Variants in ENPEP observed in about 807,000 individuals in gnomAD.
ENPEP encodes the protein AP-A.
In ENPEP, 103 loss-of-function variants were observed where a neutral mutation model predicts 114.5. The ratio of observed to expected loss-of-function variants is 0.90; its 90% CI spans 0.77 to 1.06. The LOEUF (loss-of-function observed/expected upper bound fraction) is 1.06, where lower values mean the gene tolerates loss of function less well. Ranked by LOEUF, ENPEP falls within the 50% of genes least tolerant of loss-of-function variation. The pLI, the probability that ENPEP is intolerant of heterozygous loss-of-function variation, is 0.00. For missense variants in ENPEP, 1,196 were observed against 1,161.3 expected, an observed-to-expected ratio of 1.03 and a Z score of -0.43; for synonymous variants, 420 against 422.0, an observed-to-expected ratio of 1.00 and a Z score of 0.06.
chr4:110,481,865 T>C (rs1017415724), intron 1 of ENPEP, among the ~76,000 whole-genome samples: 2 of 152,094 alleles, frequency 1.3e-5, no homozygotes, highest in East Asian at 1.9e-4. Context: ...GTAGCGCTAG[T>C]AGGATTTAAG....
At chr4:110,477,718 G>T (rs933625900) in intron 1 of ENPEP, among the ~76,000 whole-genome samples, 2 of 152,148 alleles carry the variant, frequency 1.3e-5, no homozygotes, top group African/African-American at 4.8e-5. Context: ...GGTAAATTTG[G>T]AGGCTTGTTG....
chr4:110,493,515 C>T (rs1395161934), intron 3 of ENPEP, among the ~76,000 whole-genome samples: 3 of 152,156 alleles, frequency 2.0e-5, no homozygotes. Context: ...TGAGATATGC[C>T]ACTTTCCCCT....
intron 10 of ENPEP, among the ~76,000 whole-genome samples, chr4:110,522,547 G>A (rs1046713776): frequency 6.6e-6 from 1 of 151,990 alleles, no homozygotes; most frequent in Non-Finnish European, 1.5e-5. Flanking sequence ...CATAATAGAG[G>A]ACACAAGGAT....
At chr4:110,501,085 TGTTG>T (rs1725136290) in intron 3 of ENPEP, among the ~76,000 whole-genome samples, 1 of 152,110 alleles carries the variant, frequency 6.6e-6, no homozygotes, top group Admixed American at 6.6e-5. Flanking sequence ...AATGTTGGCA[TGTTG>T]GTAGAGTCTT....
At chr4:110,527,850 G>A (rs1209225615) in intron 10 of ENPEP, among the ~76,000 whole-genome samples, 1 of 152,120 alleles carries the variant, frequency 6.6e-6, no homozygotes, top group Non-Finnish European at 1.5e-5. Flanking sequence ...GCCAAAGACA[G>A]TCAACAATTT....
At chr4:110,543,301 T>C (rs1432147281) in intron 13 of ENPEP, among the ~76,000 whole-genome samples, 4 of 152,124 alleles carry the variant, frequency 2.6e-5, no homozygotes, top group African/African-American at 4.8e-5. Context: ...ACCTAACTTA[T>C]TGACTTTGAG....
intron 13 of ENPEP, 37 bp from the exon 14 acceptor site, chr4:110,548,139 G>GTTTTTTTTTTTTTTTTTTTTT (rs3042468): frequency 1.4e-5 from 10 of 692,118 alleles, no homozygotes; most frequent in African/African-American, 4.9e-5. Flanking sequence ...TTAACTGTGA[G>GTTTTTTTTTTTTTTTTTTTTT]TTTTTTTTTT....
intron 1 of ENPEP, among the ~76,000 whole-genome samples, chr4:110,483,141 GA>G (rs559473450): frequency 1.3e-3 from 191 of 148,690 alleles, no homozygotes; most frequent in Middle Eastern, 0.01. Context: ...CTTCTACATA[GA>G]AAAAAAAAAT....
At chr4:110,510,666 T>C (rs1439414386) in intron 6 of ENPEP, among the ~76,000 whole-genome samples, 2 of 151,338 alleles carry the variant, frequency 1.3e-5, no homozygotes, top group African/African-American at 4.9e-5. Context: ...TTCCAGAAAG[T>C]ATCTATAGCA....
In ENPEP at chr4:110,559,276, C is replaced by T. The variant is rs563144173; in HGVS notation, c.2643-371C>T. The stretch of plus-strand genomic sequence containing the variant: ...TTTAAGCAAGGAAGCTGCAGCTGAA[C>T]ATTGTGCTAATGTTCTGTTGGTAAG... On this transcript the variant is annotated intron_variant, in intron 18 of 19. Transcript: ENST00000265162. 8.5e-5 allele frequency: 14 copies of T among 164,688 alleles called. No individual in the cohort carries two copies. The South Asian group carries it at 2.2e-3, about 26-fold the overall frequency. The allele number at this position is 164,688 out of a possible 1,614,324, so 10.2% of individuals were successfully genotyped here. A position where few individuals can be genotyped will look rare whatever the true frequency, so the allele number is the denominator to read the frequency against.
intron 10 of ENPEP, among the ~76,000 whole-genome samples, chr4:110,526,191 G>T (rs771434233): frequency 6.6e-6 from 1 of 152,016 alleles, no homozygotes; most frequent in Non-Finnish European, 1.5e-5. Flanking sequence ...CAGGAGACTC[G>T]CTTGAACCTG....
At chr4:110,540,399 A>C (rs771843665) in intron 11 of ENPEP, among the ~76,000 whole-genome samples, 4 of 152,162 alleles carry the variant, frequency 2.6e-5, no homozygotes, top group Admixed American at 1.3e-4. Context: ...TAAAGAATAC[A>C]TACTATTGTT....
rs768120398 is a variant in ENPEP, at chr4:110,549,334, C to T, written c.2152-12C>T. 1.2e-6 allele frequency: 2 copies of T among 1,607,574 alleles called. No individual in the cohort carries two copies. Among genetic ancestry groups the T allele is most frequent in the Admixed American group, 1.7e-5 (1 of 59,854 alleles). On this transcript the variant is annotated splice_polypyrimidine_tract_variant and intron_variant, in intron 14 of 19. Transcript: ENST00000265162. ...AAATTGTTACTTATTGTACATAATA[C>T]TTTTATTTCAGGAATACTTCCAAGG...
intron 8 of ENPEP, chr4:110,519,004 T>A (rs1205943994): frequency 2.2e-6 from 1 of 445,154 alleles, no homozygotes; most frequent in Non-Finnish European, 4.5e-6. Flanking sequence ...TATTAAGATA[T>A]GATGAATGAT....
chr4:110,477,153 G>A (rs1724145140), intron 1 of ENPEP, 95 bp downstream of exon 1: 1 of 1,464,354 alleles, frequency 6.8e-7, no homozygotes, highest in East Asian at 2.3e-5. Context: ...TAATTATTTT[G>A]TTGGTCTGAT....
chr4:110,515,665 G>A (rs1725737827), intron 8 of ENPEP: 2 of 603,042 alleles, frequency 3.3e-6, no homozygotes, highest in Non-Finnish European at 6.1e-6. Context: ...AGTTGAAACA[G>A]ATTACTTAGT....
intron 3 of ENPEP, among the ~76,000 whole-genome samples, chr4:110,503,184 T>G (rs984090747): frequency 6.6e-6 from 1 of 152,210 alleles, no homozygotes; most frequent in Non-Finnish European, 1.5e-5. Context: ...GACAGTTTGC[T>G]GAGAATGATG....
intron 3 of ENPEP, among the ~76,000 whole-genome samples, chr4:110,496,445 TA>T (rs1724940564): frequency 6.6e-6 from 1 of 152,224 alleles, no homozygotes; most frequent in Admixed American, 6.5e-5. Flanking sequence ...ATATCTTATA[TA>T]ACCATTTATC....
At chr4:110,531,402 A>G in intron 11 of ENPEP, 125 bp downstream of exon 11, 1 of 689,534 alleles carries the variant, frequency 1.5e-6, no homozygotes, top group Non-Finnish European at 2.0e-6. Flanking sequence ...TCTCTTAAAT[A>G]ATTTATTGAT....
Sources: gnomAD v4.1 joint callset for allele counts (sites outside exome capture counted in the v4.1 genomes callset) on GRCh38, gnomAD v4.1.1 for gene constraint, MANE v1.5 for transcripts, NCBI Gene and HGNC (gene_info 2026-07-23, HGNC 2026-07-21) for gene names.